The following ZNF776 variants were observed in gnomAD, a reference collection of about 807,000 sequenced individuals.
ZNF776 encodes zinc finger protein 776.
A neutral mutation model predicts 7.0 loss-of-function variants in ZNF776; 4 were observed. The ratio of observed to expected loss-of-function variants is 0.57; its 90% confidence interval spans 0.28 to 1.31. ZNF776 has a LOEUF of 1.31. Ranked by LOEUF, ZNF776 falls within the 50% of genes most tolerant of loss-of-function variation. ZNF776 has a pLI of 0.10. For synonymous variants in ZNF776, 212 were observed against 213.7 expected (o/e 0.99, Z 0.07); for missense variants, 555 against 625.9 (o/e 0.89, Z 1.21).
Position 57,755,525 on chromosome 19 carries a change from G to A in ZNF776, c.*838G>A, listed in dbSNP as rs192065963. ...CCTTTTGAGTGCAGAGCATTTGCGAGGGCTTCACTCTTCTTTCACTGGATA... is the reference window on the plus strand; with the variant it reads ...CCTTTTGAGTGCAGAGCATTTGCGAAGGCTTCACTCTTCTTTCACTGGATA... On this transcript the variant is annotated 3_prime_UTR_variant, in exon 3 of 3. Transcript: ENST00000317178. The A allele has an allele frequency of 6.6e-6, 1 of 152,300 alleles. No homozygotes were observed. Among genetic ancestry groups the A allele is most frequent in the Non-Finnish European group, 1.5e-5 (1 of 68,034 alleles). The allele number at this position is 152,300 out of a possible 1,614,324, so 9.4% of individuals were successfully genotyped here. A position where few individuals can be genotyped will look rare whatever the true frequency, so the allele number is the denominator to read the frequency against.
Position 57,751,732 on chromosome 19 carries a change from C to T in ZNF776, c.160+821C>T, listed in dbSNP as rs79545003. On this transcript the variant is annotated intron_variant, in intron 2 of 2. Transcript: ENST00000317178. ...TCACTGTCATCCAGGCTGCAGTCTA[C>T]TGATGCAATCATGGTTCACTTCATT... Among the ~76,000 whole-genome samples, 136 of 150,902 alleles carry T rather than the reference C, an allele frequency of 9.0e-4. 1 individual carries two copies. In the East Asian group the frequency reaches 0.023, roughly 26 times the overall value.
chr19:57,747,036 C>A lies in ZNF776; in HGVS notation c.-23C>A. ...TGCACTGCTCGCCCCCTCCTTTCGA[C>A]CCCGCTTTCCCCACCCAGTCGGATG... On this transcript the variant is annotated 5_prime_UTR_variant, in exon 1 of 3. Coordinates refer to ENST00000317178, the MANE Select transcript of ZNF776 (RefSeq NM_173632.4). 6.4e-7 allele frequency: 1 copy of A among 1,574,404 alleles called. No homozygotes were observed. The highest frequency in any genetic ancestry group is 8.6e-7 in the Non-Finnish European group (1 of 1,159,674).
intron 2 of ZNF776, 41 bp from the exon 3 acceptor site, chr19:57,753,250 C>T (rs753106467): frequency 8.3e-6 from 13 of 1,562,394 alleles, no homozygotes; most frequent in Admixed American, 1.8e-5. Context: ...TACTTCCCTT[C>T]GGAAGTACCT....
chr19:57,750,901 A>G lies in ZNF776; in HGVS notation c.150A>G (p.Ile50Met), dbSNP rs1568475311. 6.2e-7 allele frequency: 1 copy of G among 1,610,014 alleles called. No homozygotes were observed. The highest frequency in any genetic ancestry group is 8.5e-7 in the Non-Finnish European group (1 of 1,177,662). ...TGATGCTGGAGAACCTGACACTTAT[A>G]TCTTCTCTAGGTAAGGCACTCACAC... ...HDVMLENLTL[I>M]SSLGCWYGAK... Residue 50 changes from isoleucine to methionine, a missense_variant, in exon 2 of 3, where the codon ATA becomes ATG. Ile to Met is a conservative substitution (Grantham distance 10, BLOSUM62 1). Coordinates refer to ENST00000317178, the MANE Select transcript of ZNF776 (RefSeq NM_173632.4).
chr19:57,755,135 G>T lies in ZNF776; in HGVS notation c.*448G>T. The T allele has an allele frequency of 5.4e-6, 1 of 184,998 alleles. No homozygotes were observed. The highest frequency in any genetic ancestry group is 1.1e-5 in the Non-Finnish European group (1 of 87,442). The allele number at this position is 184,998 out of a possible 1,614,324, so 11.5% of individuals were successfully genotyped here. A position where few individuals can be genotyped will look rare whatever the true frequency, so the allele number is the denominator to read the frequency against. The stretch of plus-strand genomic sequence containing the variant: ...ATAATAAATGTGAGAAATCATTTCC[G>T]TACAGCTCTGCGCTCCATGTTCGTA... On this transcript the variant is annotated 3_prime_UTR_variant, in exon 3 of 3. Coordinates refer to ENST00000317178, the MANE Select transcript of ZNF776 (RefSeq NM_173632.4).
At chr19:57,748,028 A>G (rs1311997072) in intron 1 of ZNF776, among the ~76,000 whole-genome samples, 1 of 152,084 alleles carries the variant, frequency 6.6e-6, no homozygotes, top group Non-Finnish European at 1.5e-5. Context: ...GGTGAAACTG[A>G]CCAGAGGGAG....
Position 57,753,446 on chromosome 19 carries a change from G to A in ZNF776, c.316G>A (p.Gly106Arg). ...GPLLGDILHQGTQHNQKLNGF... is the reference protein window; with the variant it reads ...GPLLGDILHQRTQHNQKLNGF... The stretch of plus-strand genomic sequence containing the variant: ...TCTCCTGGGAGATATCTTACACCAG[G>A]GAACACAACACAATCAGAAATTGAA... The change falls in exon 3 of 3, where the codon GGA becomes AGA. Residue 106 changes from glycine (G) to arginine (R), a missense_variant. Physicochemically the swap from Gly to Arg is moderately radical, Grantham distance 125 (BLOSUM62 -2). Coordinates refer to ENST00000317178, the MANE Select transcript of ZNF776 (RefSeq NM_173632.4). The A allele has an allele frequency of 6.2e-7, 1 of 1,614,072 alleles. No homozygotes were observed. The highest frequency in any genetic ancestry group is 1.1e-5 in the South Asian group (1 of 91,086).
At position 57,754,824 on chromosome 19, in the gene ZNF776, C is replaced by T. The variant is rs12609667; in HGVS notation, c.*137C>T. The stretch of plus-strand genomic sequence containing the variant: ...TGGCCTCATTCAACAATAGCAAGAT[C>T]ACACTGGGGAAAGGCTTTCTGAGTG... On this transcript the variant is annotated 3_prime_UTR_variant, in exon 3 of 3. Coordinates refer to ENST00000317178, the MANE Select transcript of ZNF776 (RefSeq NM_173632.4). 283,022 of 823,400 alleles carry T rather than the reference C, an allele frequency of 0.34. 51,726 individuals carry two copies. The highest frequency in any genetic ancestry group is 0.54 in the East Asian group (20,353 of 37,888). 51.0% of individuals were successfully genotyped at this position (823,400 alleles called of 1,614,324 possible).
At chr19:57,747,192 C>T in intron 1 of ZNF776, 101 bp downstream of exon 1, 1 of 1,341,876 alleles carries the variant, frequency 7.5e-7, no homozygotes, top group Non-Finnish European at 1.0e-6. Flanking sequence ...ACCCTGAACC[C>T]GGCGTCGGGA....
chr19:57,747,096 T>C lies in ZNF776; in HGVS notation c.33+5T>C, dbSNP rs370256574. 3.0e-4 allele frequency: 483 copies of C among 1,590,918 alleles called. 2 individuals carry two copies. In the African/African-American group the frequency reaches 3.3e-3, roughly 11 times the overall value. On this transcript the variant is annotated splice_donor_5th_base_variant and intron_variant, in intron 1 of 2. Transcript: ENST00000317178. Reference sequence around the variant, plus strand: ...GCGCTGAGGCCCCCGGCTCAGGTAATTGTGGCGTCTTCCGTGCCCTCAGGT... The same window carrying C: ...GCGCTGAGGCCCCCGGCTCAGGTAACTGTGGCGTCTTCCGTGCCCTCAGGT...
In ZNF776 at chr19:57,753,375, C is replaced by T; in HGVS notation, c.245C>T (p.Thr82Ile). The T allele has an allele frequency of 6.2e-7, 1 of 1,614,182 alleles. No individual in the cohort carries two copies. Among genetic ancestry groups the T allele is most frequent in the Non-Finnish European group, 8.5e-7 (1 of 1,180,042 alleles). The change falls in exon 3 of 3, where the codon ACA becomes ATA. Residue 82 changes from threonine to isoleucine, a missense_variant. By Grantham distance (89) the Thr-to-Ile change is moderately conservative. Coordinates refer to ENST00000317178, the MANE Select transcript of ZNF776 (RefSeq NM_173632.4). ...GAGTCCCCACTCAGGACACATTGGA[C>T]AGGTGTATGTACCAAGAAGGTCCAC... is the stretch of plus-strand genomic sequence containing the variant. The part of the protein sequence containing the change: ...QQESPLRTHW[T>I]GVCTKKVHLW...
At chr19:57,750,408 G>A (rs567739849) in intron 1 of ZNF776, among the ~76,000 whole-genome samples, 17 of 149,720 alleles carry the variant, frequency 1.1e-4, no homozygotes, top group Non-Finnish European at 1.5e-5. Flanking sequence ...CTCCAGCCTG[G>A]GCAACAGGAG....
rs1301223037 is a variant in ZNF776 at position 57,754,130 on chromosome 19, A to G, written c.1000A>G (p.Ser334Gly). ...TGGGAAATCTTTTAGCCATAAGCGC[A>G]GCCTTGTTCACCACCAGCGAGTTCA... Reference protein sequence around the residue: ...ECGKSFSHKRSLVHHQRVHTG... With the variant: ...ECGKSFSHKRGLVHHQRVHTG... Residue 334 changes from serine (S) to glycine (G), a missense_variant, in exon 3 of 3, where the codon AGC becomes GGC. Physicochemically the swap from Ser to Gly is moderately conservative, Grantham distance 56. Coordinates refer to ENST00000317178, the MANE Select transcript of ZNF776 (RefSeq NM_173632.4). 1 of 1,613,810 alleles carries G rather than the reference A, an allele frequency of 6.2e-7. No homozygotes were observed. Among genetic ancestry groups the G allele is most frequent in the African/African-American group, 1.3e-5 (1 of 74,858 alleles).
At chr19:57,749,000 G>A (rs1025322140) in intron 1 of ZNF776, among the ~76,000 whole-genome samples, 2 of 150,886 alleles carry the variant, frequency 1.3e-5, no homozygotes, top group African/African-American at 2.4e-5. Flanking sequence ...TCACTCTGTC[G>A]CCCAGGCTGG....
At chr19:57,752,085 G>C (rs1349572708) in intron 2 of ZNF776, among the ~76,000 whole-genome samples, 1 of 151,986 alleles carries the variant, frequency 6.6e-6, no homozygotes, top group Non-Finnish European at 1.5e-5. Context: ...TGTTAGCCAG[G>C]ATGGTCTCGA....
At chr19:57,747,175 GT>G (rs2122504523) in intron 1 of ZNF776, 84 bp downstream of exon 1, 1 of 1,447,206 alleles carries the variant, frequency 6.9e-7, no homozygotes. Context: ...CCTGCTCAAG[GT>G]TTTACACCCT....
chr19:57,747,747 A>G (rs1986479712), intron 1 of ZNF776, among the ~76,000 whole-genome samples: 1 of 152,136 alleles, frequency 6.6e-6, no homozygotes. Flanking sequence ...AAGCACTTGC[A>G]GAACCTCCGC....
intron 1 of ZNF776, 55 bp downstream of exon 1, chr19:57,747,146 A>C: frequency 6.5e-7 from 1 of 1,534,064 alleles, no homozygotes; most frequent in Non-Finnish European, 8.8e-7. Context: ...CTAAGTCCAA[A>C]AGCAGAGAGG....
Position 57,757,726 on chromosome 19 carries a change from G to GT in ZNF776, c.*3042dup, listed in dbSNP as rs1228877901. ...GTGGGAGTATTGCTTGAGGTAAGAA[G>GT]TTTGAGACTAGCCTGGGTCCCATAG... On this transcript the variant is annotated 3_prime_UTR_variant, in exon 3 of 3. Transcript: ENST00000317178. 2.6e-5 allele frequency: 4 copies of GT among 152,180 alleles called. No individual in the cohort carries two copies. The highest frequency in any genetic ancestry group is 4.8e-5 in the African/African-American group (2 of 41,446). 9.4% of individuals were successfully genotyped at this position (152,180 alleles called of 1,614,324 possible). A position where few individuals can be genotyped will look rare whatever the true frequency, so the allele number is the denominator to read the frequency against.
Sources: allele counts gnomAD v4.1 joint callset (sites outside exome capture counted in the v4.1 genomes callset), GRCh38; gene constraint gnomAD v4.1.1; transcripts MANE v1.5; gene names NCBI Gene and HGNC (gene_info 2026-07-23, HGNC 2026-07-21).